FGF12: variants seen among roughly 807,000 people sequenced by gnomAD.
FGF12 encodes the protein fibroblast growth factor 12.
Under a neutral mutation model 23.6 loss-of-function variants are expected in FGF12, and 14 were observed. The ratio of observed to expected loss-of-function variants is 0.59; its 90% confidence interval spans 0.39 to 0.93. FGF12 has a LOEUF of 0.93. Ranked by LOEUF, FGF12 falls within the 40% of genes least tolerant of loss-of-function variation. The pLI is 0.00. For missense variants in FGF12, 175 were observed against 217.8 expected, an observed-to-expected ratio of 0.80 and a Z score of 1.24; for synonymous variants, 62 against 77.3, an observed-to-expected ratio of 0.80 and a Z score of 1.04.
At chr3:192,457,766 A>G (rs1407394157) in intron 2 of FGF12, among the ~76,000 whole-genome samples, 4 of 152,238 alleles carry the variant, frequency 2.6e-5, no homozygotes, top group Non-Finnish European at 4.4e-5. Flanking sequence ...AGAAATTTGA[A>G]TAAGTAGCAA....
Position 192,409,573 on chromosome 3 carries a change from G to T in FGF12, c.14-49035C>A, listed in dbSNP as rs975273321. On this transcript the variant is annotated intron_variant, in intron 2 of 5. Transcript: ENST00000445105. This position sits in a 1 kb window ranked among gnomAD's most constrained non-coding sequence, Gnocchi z 4.8. ...AAGGCCGATCACTCAGTCCCGCGCC[G>T]CCCATCCCGGCCGAGGAAGGAAGTG... Among the ~76,000 whole-genome samples, 3 of 152,220 alleles carry T rather than the reference G, an allele frequency of 2.0e-5. No individual in the cohort carries two copies. The highest frequency in any genetic ancestry group is 2.0e-4 in the Admixed American group (3 of 15,294).
At chr3:192,504,091 G>A (rs1446507520) in intron 2 of FGF12, among the ~76,000 whole-genome samples, 2 of 152,054 alleles carry the variant, frequency 1.3e-5, no homozygotes, top group Non-Finnish European at 1.5e-5. Flanking sequence ...CACAGGAACA[G>A]AAAACCAGAT....
At chr3:192,553,036 G>A (rs1577050367) in intron 2 of FGF12, among the ~76,000 whole-genome samples, 1 of 152,226 alleles carries the variant, frequency 6.6e-6, no homozygotes, top group Non-Finnish European at 1.5e-5. Context: ...CAAAAATGAG[G>A]ATAAAATAAA....
rs781665832 is a variant in FGF12, at chr3:192,140,434, C to T, written c.*3575G>A. 6.6e-6 allele frequency: 1 copy of T among 151,904 alleles called. No homozygotes were observed. The highest frequency in any genetic ancestry group is 2.4e-5 in the African/African-American group (1 of 41,390). 9.4% of individuals were successfully genotyped at this position (151,904 alleles called of 1,614,324 possible). A position where few individuals can be genotyped will look rare whatever the true frequency, so the allele number is the denominator to read the frequency against. On this transcript the variant is annotated 3_prime_UTR_variant, in exon 6 of 6. Transcript: ENST00000445105. Reference sequence around the variant, plus strand: ...GTAGACTAAGGTATGAGGGTGAAATCGATTTGCTATTTCTGGGTCTATGTT... The same window carrying T: ...GTAGACTAAGGTATGAGGGTGAAATTGATTTGCTATTTCTGGGTCTATGTT...
rs34991386 is a variant in FGF12, at chr3:192,336,108, TACAC to T, written c.125-648_125-645del. ...ATATATTTTATATCCAGGTGGGAAA[TACAC>T]ACACACACACACACACACACACACA... On this transcript the variant is annotated intron_variant, in intron 3 of 5. Transcript: ENST00000445105. The surrounding 1 kb of genome is among the most constrained non-coding windows in gnomAD (Gnocchi z 4.3). Among the ~76,000 whole-genome samples the T allele has an allele frequency of 9.6e-4, 138 of 143,968 alleles. No individual in the cohort carries two copies. The highest frequency in any genetic ancestry group is 1.6e-3 in the African/African-American group (64 of 38,956). 94.4% of individuals were successfully genotyped at this position (143,968 alleles called of 152,430 possible). A position where few individuals can be genotyped will look rare whatever the true frequency, so the allele number is the denominator to read the frequency against.
chr3:192,702,824 ACTAGT>A (rs968496123), intron 2 of FGF12, among the ~76,000 whole-genome samples: 5 of 152,160 alleles, frequency 3.3e-5, no homozygotes, highest in African/African-American at 1.2e-4. Flanking sequence ...TTTAAAAAAA[ACTAGT>A]CTAAGTCATT....
intron 2 of FGF12, among the ~76,000 whole-genome samples, chr3:192,679,094 C>T (rs897470162): frequency 6.6e-6 from 1 of 151,830 alleles, no homozygotes; most frequent in Non-Finnish European, 1.5e-5. Context: ...GTATTTTAAG[C>T]GAAAAAGAAA....
chr3:192,389,198 A>G (rs1161491716), intron 2 of FGF12, among the ~76,000 whole-genome samples: 1 of 152,160 alleles, frequency 6.6e-6, no homozygotes, highest in Non-Finnish European at 1.5e-5. Flanking sequence ...CATCTCTACT[A>G]AAAATACAAA....
intron 4 of FGF12, among the ~76,000 whole-genome samples, chr3:192,301,620 G>A (rs1430405141): frequency 6.6e-6 from 1 of 152,100 alleles, no homozygotes; most frequent in East Asian, 1.9e-4. Flanking sequence ...ATAGTCTCGT[G>A]GTCAGTGGAA....
intron 2 of FGF12, among the ~76,000 whole-genome samples, chr3:192,483,564 C>T (rs377753345): frequency 5.3e-5 from 8 of 151,758 alleles, no homozygotes; most frequent in Non-Finnish European, 7.4e-5. Flanking sequence ...AATAAATAAA[C>T]GAAAATAATA....
chr3:192,224,550 T>C (rs558021000), intron 4 of FGF12, among the ~76,000 whole-genome samples: 1 of 152,186 alleles, frequency 6.6e-6, no homozygotes, highest in African/African-American at 2.4e-5. Context: ...TAAATATCAG[T>C]TCATAGCTAC....
chr3:192,398,439 G>A (rs1005016552), intron 2 of FGF12, among the ~76,000 whole-genome samples: 4 of 148,852 alleles, frequency 2.7e-5, no homozygotes, highest in Non-Finnish European at 5.9e-5. Context: ...AGACTGGAGT[G>A]CAGTGGTGTG....
intron 2 of FGF12, among the ~76,000 whole-genome samples, chr3:192,452,060 A>G (rs962857797): frequency 3.9e-5 from 6 of 152,154 alleles, no homozygotes; most frequent in African/African-American, 1.4e-4. Flanking sequence ...ATGAAAATGG[A>G]TATCTTTGCC....
At chr3:192,252,198 C>T (rs1160319116) in intron 4 of FGF12, among the ~76,000 whole-genome samples, 5 of 151,770 alleles carry the variant, frequency 3.3e-5, no homozygotes, top group Non-Finnish European at 5.9e-5. Context: ...TGGTGGCTCA[C>T]GCCTGTAATC....
At position 192,607,846 on chromosome 3, in the gene FGF12, TAA is replaced by T. The variant is rs36061162; in HGVS notation, c.13+119333_13+119334del. ...AACATACCCAGAGAACACTGAAAAT[TAA>T]AAAAAAAAAAAAAAAAAAAGAAGAA... On this transcript the variant is annotated intron_variant, in intron 2 of 5. Transcript: ENST00000445105. Among the ~76,000 whole-genome samples the T allele has an allele frequency of 3.6e-3, 435 of 122,010 alleles. 1 individual carries two copies. The highest frequency in any genetic ancestry group is 4.6e-3 in the Middle Eastern group (1 of 218). The allele number at this position is 122,010 out of a possible 152,430, so 80.0% of individuals were successfully genotyped here. A position where few individuals can be genotyped will look rare whatever the true frequency, so the allele number is the denominator to read the frequency against.
At chr3:192,612,391 G>A (rs528830396) in intron 2 of FGF12, among the ~76,000 whole-genome samples, 2 of 151,820 alleles carry the variant, frequency 1.3e-5, no homozygotes, top group Non-Finnish European at 2.9e-5. Context: ...TTATTATGCC[G>A]AACTGGGATC....
At chr3:192,580,653 G>T (rs900661245) in intron 2 of FGF12, among the ~76,000 whole-genome samples, 3 of 152,156 alleles carry the variant, frequency 2.0e-5, no homozygotes, top group Non-Finnish European at 4.4e-5. Flanking sequence ...TGTTACCCAG[G>T]CTGGAGTGCA....
At position 192,378,347 on chromosome 3, in the gene FGF12, G is replaced by A. The variant is rs555467479; in HGVS notation, c.14-17809C>T. 4.7e-5 allele frequency among the ~76,000 whole-genome samples: 7 copies of A among 149,952 alleles called. 1 individual carries two copies. The highest frequency in any genetic ancestry group is 1.8e-4 in the African/African-American group (7 of 39,444). On this transcript the variant is annotated intron_variant, in intron 2 of 5. Coordinates refer to ENST00000445105, the MANE Select transcript of FGF12 (RefSeq NM_004113.6). ...GCTGGTCTTGAACTCCTGGGCTCAT[G>A]CCATCCACCCACCTCAGCCTCCCAA...
intron 2 of FGF12, among the ~76,000 whole-genome samples, chr3:192,545,598 G>C (rs1466331495): frequency 1.3e-5 from 2 of 152,210 alleles, no homozygotes; most frequent in Non-Finnish European, 2.9e-5. Flanking sequence ...ATGGTGAAGA[G>C]AATGAAACTG....
Sources: allele counts gnomAD v4.1 joint callset (sites outside exome capture counted in the v4.1 genomes callset), GRCh38; gene constraint gnomAD v4.1.1; non-coding constraint Gnocchi (gnomAD v3.1); transcripts MANE v1.5; gene names NCBI Gene and HGNC (gene_info 2026-07-23, HGNC 2026-07-21).